The following RASGRP3 variants were observed in gnomAD, a reference collection of about 807,000 sequenced individuals.
RASGRP3 encodes ras guanyl-releasing protein 3.
RASGRP3 carries 54 observed loss-of-function variants against 82.7 expected under a neutral mutation model. The ratio of observed to expected loss-of-function variants is 0.65; its 90% CI spans 0.52 to 0.82. The LOEUF (loss-of-function observed/expected upper bound fraction) is 0.82, where lower values mean the gene tolerates loss of function less well. RASGRP3 is among the 40% of genes least tolerant of loss of function. The probability of loss-of-function intolerance (pLI) is 0.00; values close to 1 mark genes in which losing one functional copy is unlikely to be tolerated. For synonymous variants in RASGRP3, 309 were observed against 300.5 expected (o/e 1.03, Z -0.29); for missense variants, 861 against 828.9 (o/e 1.04, Z -0.48).
At chr2:33,439,086 A>T (rs1665081703) in intron 1 of RASGRP3, among the ~76,000 whole-genome samples, 1 of 152,170 alleles carries the variant, frequency 6.6e-6, no homozygotes, top group African/African-American at 2.4e-5. Context: ...AAATTCAGAC[A>T]ATTGGCTTTT....
At chr2:33,504,486 G>A (rs979643922) in intron 1 of RASGRP3, among the ~76,000 whole-genome samples, 1 of 152,208 alleles carries the variant, frequency 6.6e-6, no homozygotes, top group Non-Finnish European at 1.5e-5. Flanking sequence ...ATAAACATTG[G>A]CTTTTGTGCC....
At chr2:33,502,415 G>C (rs1669955751) in intron 1 of RASGRP3, among the ~76,000 whole-genome samples, 1 of 151,746 alleles carries the variant, frequency 6.6e-6, no homozygotes, top group Non-Finnish European at 1.5e-5. Flanking sequence ...AATTACAATT[G>C]ATTAATTCCT....
At chr2:33,520,438 G>C (rs534175158) in intron 5 of RASGRP3, 115 bp from the exon 6 acceptor site, 1 of 1,294,128 alleles carries the variant, frequency 7.7e-7, no homozygotes, top group East Asian at 2.3e-5. Context: ...TTTGAAGTGT[G>C]GTCCTGGATG....
intron 10 of RASGRP3, chr2:33,532,731 T>A (rs1018683632): frequency 1.1e-4 from 16 of 152,204 alleles, no homozygotes; most frequent in Non-Finnish European, 2.2e-4. Flanking sequence ...TTTATTTTGT[T>A]TAGAAAAAAA....
At chr2:33,507,963 G>C (rs1163563091) in intron 1 of RASGRP3, among the ~76,000 whole-genome samples, 3 of 152,246 alleles carry the variant, frequency 2.0e-5, no homozygotes, top group Admixed American at 2.0e-4. Flanking sequence ...GTCTAAACCA[G>C]CATGTGTCCA....
At chr2:33,449,771 A>C (rs1456936569) in intron 2 of RASGRP3, among the ~76,000 whole-genome samples, 2 of 152,146 alleles carry the variant, frequency 1.3e-5, no homozygotes, top group African/African-American at 2.4e-5. Flanking sequence ...AAAAAAAAGG[A>C]ATATTTATTA....
intron 6 of RASGRP3, 142 bp from the exon 7 acceptor site, chr2:33,521,813 C>G: frequency 2.9e-6 from 3 of 1,027,692 alleles, no homozygotes; most frequent in Non-Finnish European, 4.2e-6. Context: ...CAGTGGTTTT[C>G]TCTTCCAATA....
rs866819887 is a variant in RASGRP3, at chr2:33,527,323, C to A, written c.994C>A (p.Gln332Lys). 6.2e-7 allele frequency: 1 copy of A among 1,613,826 alleles called. No homozygotes were observed. The highest frequency in any genetic ancestry group is 8.5e-7 in the Non-Finnish European group (1 of 1,179,758). The change falls in exon 10 of 18, where the codon CAG (glutamine) becomes AAG (lysine). Residue 332 changes from glutamine (Q) to lysine (K), a missense_variant. Coordinates refer to ENST00000403687, the MANE Select transcript of RASGRP3 (RefSeq NM_001139488.2). ...CAAAGTGAACATTGTGAAAATGCAC[C>A]AGCTCTCCGTTACCCTGAGTGAACT... ...ENKVNIVKMHQLSVTLSELVS... is the reference protein window; with the variant it reads ...ENKVNIVKMHKLSVTLSELVS...
In RASGRP3 at chr2:33,462,365, GT is replaced by G. The variant is rs1356841606; in HGVS notation, c.-261+14434del. 3.2e-3 allele frequency among the ~76,000 whole-genome samples: 455 copies of G among 140,100 alleles called. 2 individuals are homozygous for G. The highest frequency in any genetic ancestry group is 8.8e-3 in the African/African-American group (342 of 39,022). 91.9% of individuals were successfully genotyped at this position (140,100 alleles called of 152,430 possible). A position where few individuals can be genotyped will look rare whatever the true frequency, so the allele number is the denominator to read the frequency against. ...CATTTGAGAACAAGAGGATGTAGAGGTTTTTTTTTTTTGTTTTTCTTTTTTT... is the reference window on the plus strand; with the variant it reads ...CATTTGAGAACAAGAGGATGTAGAGGTTTTTTTTTTTGTTTTTCTTTTTTT... On this transcript the variant is annotated intron_variant, in intron 2 of 18. Transcript: ENST00000402538.
chr2:33,443,710 A>G (rs1472822575), intron 1 of RASGRP3, among the ~76,000 whole-genome samples: 2 of 69,974 alleles, frequency 2.9e-5, no homozygotes, highest in Non-Finnish European at 6.1e-5. Flanking sequence ...TCCTGTCTCT[A>G]AAAAAAAAAA....
chr2:33,477,870 TG>T (rs1483349122), intron 1 of RASGRP3, among the ~76,000 whole-genome samples: 1 of 152,184 alleles, frequency 6.6e-6, no homozygotes, highest in African/African-American at 2.4e-5. Flanking sequence ...AGAGAGGGGC[TG>T]TTTTTATTTG....
At chr2:33,516,335 A>C (rs1276931376) in intron 3 of RASGRP3, among the ~76,000 whole-genome samples, 1 of 152,102 alleles carries the variant, frequency 6.6e-6, no homozygotes, top group Non-Finnish European at 1.5e-5. Flanking sequence ...TGAACCCGGG[A>C]GGTGGAGGTT....
chr2:33,556,231 CTTTTTTTTTTTTT>C (rs573022728), intron 15 of RASGRP3, among the ~76,000 whole-genome samples: 2 of 57,496 alleles, frequency 3.5e-5, no homozygotes, highest in Admixed American at 2.3e-4. Context: ...TTCTAATAAT[CTTTTTTTTTTTTT>C]TTTTTTTTTT....
chr2:33,551,557 C>T (rs1675362302), intron 14 of RASGRP3, among the ~76,000 whole-genome samples: 2 of 151,878 alleles, frequency 1.3e-5, no homozygotes, highest in South Asian at 4.2e-4. Context: ...TCTCAAGGTC[C>T]CGGGTGCTGT....
At chr2:33,444,909 C>T (rs2150876642) in intron 1 of RASGRP3, among the ~76,000 whole-genome samples, 1 of 152,220 alleles carries the variant, frequency 6.6e-6, no homozygotes, top group East Asian at 1.9e-4. Context: ...AATTACACAG[C>T]CTAAAATCGA....
intron 1 of RASGRP3, among the ~76,000 whole-genome samples, chr2:33,437,210 T>C (rs1664974616): frequency 1.3e-5 from 2 of 152,216 alleles, no homozygotes. Flanking sequence ...ATTTAAATTA[T>C]TATTTCCAAA....
chr2:33,517,057 AC>A (rs1216287354), intron 4 of RASGRP3, among the ~76,000 whole-genome samples: 2 of 152,238 alleles, frequency 1.3e-5, no homozygotes, highest in Non-Finnish European at 2.9e-5. Context: ...ATATGCTCTT[AC>A]TTGGGCACAA....
At position 33,540,563 on chromosome 2, in the gene RASGRP3, TGTGTGTGTGTGTG is replaced by T. The variant is rs1674185248; in HGVS notation, c.1278+1354_1278+1366del. 3.3e-4 allele frequency among the ~76,000 whole-genome samples: 9 copies of T among 27,378 alleles called. 2 individuals are homozygous for T. Among genetic ancestry groups the T allele is most frequent in the Admixed American group, 1.3e-3 (3 of 2,340 alleles). The allele number at this position is 27,378 out of a possible 152,430, so 18.0% of individuals were successfully genotyped here. ...TCTCTCTGTGTGTGTGTTTTGTGTG[TGTGTGTGTGTGTG>T]TGTGTGTGTGTGTGTGTGTGTGTGT... On this transcript the variant is annotated intron_variant, in intron 12 of 17. Coordinates refer to ENST00000403687, the MANE Select transcript of RASGRP3 (RefSeq NM_001139488.2).
intron 1 of RASGRP3, among the ~76,000 whole-genome samples, chr2:33,439,027 G>A (rs1029699057): frequency 2.6e-5 from 4 of 152,144 alleles, no homozygotes; most frequent in African/African-American, 9.7e-5. Context: ...GACGCTGGGT[G>A]GGGTAGAGGG....
Sources: allele counts gnomAD v4.1 joint callset (sites outside exome capture counted in the v4.1 genomes callset), GRCh38; gene constraint gnomAD v4.1.1; transcripts MANE v1.5; gene names NCBI Gene and HGNC (gene_info 2026-07-23, HGNC 2026-07-21).